The following EIF4G1 variants were observed in gnomAD, a reference collection of about 807,000 sequenced individuals.
EIF4G1 encodes the protein eukaryotic translation initiation factor 4 gamma 1.
In EIF4G1, 4 loss-of-function variants were observed where a neutral mutation model predicts 187.8. The ratio of observed to expected loss-of-function variants is 0.02; its 90% CI spans 0.01 to 0.05. The LOEUF (loss-of-function observed/expected upper bound fraction) is 0.05, where lower values mean the gene tolerates loss of function less well. Ranked by LOEUF, EIF4G1 falls within the 10% of genes least tolerant of loss-of-function variation. EIF4G1 has a pLI of 1.00. For missense variants in EIF4G1, 1,647 were observed against 2,081.1 expected (o/e 0.79, Z 4.06); for synonymous variants, 844 against 781.4 (o/e 1.08, Z -1.34).
chr3:184,317,235 C>T lies in EIF4G1; in HGVS notation c.148-86C>T, dbSNP rs996911447. 2.7e-6 allele frequency: 4 copies of T among 1,480,238 alleles called. No homozygotes were observed. In the African/African-American group the frequency reaches 4.2e-5, roughly 15 times the overall value. 91.7% of individuals were successfully genotyped at this position (1,480,238 alleles called of 1,614,324 possible). ...GTTCTGAAGCCCACAGTACTTCTTT[C>T]CAGGCTATAGAGACATTGTGGAGTG... On this transcript the variant is annotated intron_variant, in intron 4 of 32. Coordinates refer to ENST00000346169, the MANE Select transcript of EIF4G1 (RefSeq NM_198241.3).
chr3:184,329,484 A>G lies in EIF4G1; in HGVS notation c.4161+494A>G, dbSNP rs192097722. On this transcript the variant is annotated intron_variant, in intron 28 of 32. Coordinates refer to ENST00000346169, the MANE Select transcript of EIF4G1 (RefSeq NM_198241.3). ...CATCTCTACTAAAAACACAAAAATT[A>G]GCCGTGTTGTGGCAGGTGCCTGTAA... 2.2e-4 allele frequency among the ~76,000 whole-genome samples: 34 copies of G among 152,288 alleles called. No individual in the cohort carries two copies. In the East Asian group the frequency reaches 6.6e-3, roughly 29 times the overall value.
Position 184,323,032 on chromosome 3 carries a change from T to G in EIF4G1, c.1930-51T>G. On this transcript the variant is annotated intron_variant, in intron 13 of 32. Coordinates refer to ENST00000346169, the MANE Select transcript of EIF4G1 (RefSeq NM_198241.3). The surrounding 1 kb of genome is among the most constrained non-coding windows in gnomAD (Gnocchi z 6.9). ...GGAGGAGCCTGAGGTCCTGAAAGAG[T>G]AGTCAACCGCTCTAGCCTGCTTCTG... 1.2e-6 allele frequency: 2 copies of G among 1,613,864 alleles called. No individual in the cohort carries two copies. Among genetic ancestry groups the G allele is most frequent in the Non-Finnish European group, 1.7e-6 (2 of 1,179,978 alleles).
chr3:184,320,323 G>A, intron 7 of EIF4G1: 31 of 1,308,918 alleles, frequency 2.4e-5, no homozygotes, highest in Non-Finnish European at 3.0e-5. Flanking sequence ...TCTAGATGGG[G>A]GTCCTGGGCC....
chr3:184,320,192 G>C (rs977150788), intron 7 of EIF4G1: 1 of 1,074,580 alleles, frequency 9.3e-7, no homozygotes, highest in Non-Finnish European at 1.2e-6. Context: ...AGCCCTGGGC[G>C]TGGTGCCCAG....
At position 184,322,606 on chromosome 3, in the gene EIF4G1, G is replaced by A. The variant is rs1724113295; in HGVS notation, c.1671G>A (p.Glu557=). ...CTGCAGGCAGCAATCCAGGCCCAGA[G>A]TCTGAGGGCAGTGGTGTGCCCCCAC... The part of the protein sequence containing the change: ...QPPAGSNPGP[E]SEGSGVPPRP... The change falls in exon 12 of 33, where the codon GAG becomes GAA. Residue 557 remains glutamate (E), a synonymous_variant. Transcript: ENST00000346169. 5.0e-6 allele frequency: 8 copies of A among 1,614,216 alleles called. No homozygotes were observed. The East Asian group carries it at 1.3e-4, about 27-fold the overall frequency.
rs372079421 is a variant in EIF4G1, at chr3:184,327,368, G to C, written c.3581G>C (p.Ser1194Thr). Reference sequence around the variant, plus strand: ...TTCAGCAAGGAAGTGGAGGAGCGGAGTAGAGAACGGCCCTCCCAGCCTGAG... The same window carrying C: ...TTCAGCAAGGAAGTGGAGGAGCGGACTAGAGAACGGCCCTCCCAGCCTGAG... Reference protein sequence around the residue: ...RSFSKEVEERSRERPSQPEGL... With the variant: ...RSFSKEVEERTRERPSQPEGL... Residue 1194 changes from serine to threonine, a missense_variant, in exon 24 of 33, where the codon AGT (serine) becomes ACT (threonine). Physicochemically the swap from Ser to Thr is moderately conservative, Grantham distance 58 (BLOSUM62 1). Coordinates refer to ENST00000346169, the MANE Select transcript of EIF4G1 (RefSeq NM_198241.3). The C allele has an allele frequency of 6.2e-7, 1 of 1,613,654 alleles. No homozygotes were observed. Among genetic ancestry groups the C allele is most frequent in the South Asian group, 1.1e-5 (1 of 91,086 alleles).
intron 28 of EIF4G1, 38 bp downstream of exon 28, chr3:184,329,028 G>A (rs763296886): frequency 1.2e-6 from 2 of 1,612,372 alleles, no homozygotes; most frequent in Non-Finnish European, 1.7e-6. Context: ...GCCTCCCACG[G>A]TGTGGTTTTG....
At chr3:184,314,883 G>A (rs1178903010) in intron 1 of EIF4G1, among the ~76,000 whole-genome samples, 1 of 150,690 alleles carries the variant, frequency 6.6e-6, no homozygotes, top group Non-Finnish European at 1.5e-5. Context: ...GGGGTGGGGA[G>A]CGCAGGGCCG....
chr3:184,332,490 C>G (rs180697116), intron 32 of EIF4G1, among the ~76,000 whole-genome samples: 1 of 152,284 alleles, frequency 6.6e-6, no homozygotes, highest in African/African-American at 2.4e-5. Flanking sequence ...AGACTGAGGT[C>G]TCAGTGAACA....
intron 6 of EIF4G1, among the ~76,000 whole-genome samples, chr3:184,318,129 T>G (rs183157504): frequency 2.6e-5 from 4 of 152,262 alleles, no homozygotes; most frequent in African/African-American, 7.2e-5. Context: ...GTAATGCAAA[T>G]TTGGGAGGTT....
In EIF4G1 at chr3:184,328,715, C is replaced by G. The variant is rs1560227503; in HGVS notation, c.4038C>G (p.Pro1346=). 3 of 1,614,162 alleles carry G rather than the reference C, an allele frequency of 1.9e-6. No homozygotes were observed. The highest frequency in any genetic ancestry group is 2.5e-6 in the Non-Finnish European group (3 of 1,180,028). The change falls in exon 27 of 33, where the codon CCC becomes CCG. Residue 1346 remains proline (P), a synonymous_variant. Coordinates refer to ENST00000346169, the MANE Select transcript of EIF4G1 (RefSeq NM_198241.3). ...VWLYLAELVT[P]ILQEGGVPMG... is the part of the protein sequence containing the mutation. ...TCTACCTAGCGGAACTGGTAACACCCATTCTGCAGGAAGGTGGGGTGCCCA... is the reference window on the plus strand; with the variant it reads ...TCTACCTAGCGGAACTGGTAACACCGATTCTGCAGGAAGGTGGGGTGCCCA...
chr3:184,315,822 G>GCCCGCCCCCCC lies in EIF4G1; in HGVS notation c.29_30insGCCCCCCCCCC (p.Ala13ProfsTer33). 3 of 1,544,486 alleles carry GCCCGCCCCCCC rather than the reference G, an allele frequency of 1.9e-6. No individual in the cohort carries two copies. The highest frequency in any genetic ancestry group is 2.6e-6 in the Non-Finnish European group (3 of 1,140,792). On this transcript the variant is annotated frameshift_variant, in exon 3 of 33. Transcript: ENST00000346169. LOFTEE classifies it high-confidence loss of function. ...ATGAACAAAGCTCCACAGTCCACAG[G>GCCCGCCCCCCC]CCCCCCACCCGCCCCATCCCCCGGA...
At chr3:184,326,312 T>G (rs1413645035) in intron 21 of EIF4G1, among the ~76,000 whole-genome samples, 1 of 152,246 alleles carries the variant, frequency 6.6e-6, no homozygotes, top group African/African-American at 2.4e-5. Context: ...GAAGTTTTAT[T>G]GGAACACAGT....
At position 184,323,383 on chromosome 3, in the gene EIF4G1, C is replaced by T. The variant is rs548536167; in HGVS notation, c.2089-25C>T. On this transcript the variant is annotated intron_variant, in intron 14 of 32. Coordinates refer to ENST00000346169, the MANE Select transcript of EIF4G1 (RefSeq NM_198241.3). The surrounding 1 kb of genome is among the most constrained non-coding windows in gnomAD (Gnocchi z 6.9). ...TGTGCTGACTAGTTCCATGTCCCCT[C>T]TTGTCTTCATCCCTTGCTTAGCAGG... 5.6e-6 allele frequency: 9 copies of T among 1,614,108 alleles called. No individual in the cohort carries two copies. The East Asian group carries it at 1.8e-4, about 32-fold the overall frequency.
intron 6 of EIF4G1, 189 bp from the exon 7 acceptor site, chr3:184,319,500 A>G (rs1723461315): frequency 3.4e-6 from 2 of 582,088 alleles, no homozygotes; most frequent in Non-Finnish European, 6.4e-6. Flanking sequence ...ATTCTTGTAA[A>G]CGCAGTTCAG....
Position 184,323,769 on chromosome 3 carries a change from T to A in EIF4G1, c.2275-11T>A, listed in dbSNP as rs757746622. ...GACCCTCACTGGAACTCTTGTCTCT[T>A]CTCCCTCCAGGACCTATTCCGCAGG... On this transcript the variant is annotated splice_polypyrimidine_tract_variant and intron_variant, in intron 15 of 32. Transcript: ENST00000346169. This position sits in a 1 kb window ranked among gnomAD's most constrained non-coding sequence, Gnocchi z 6.9. The A allele has an allele frequency of 1.2e-6, 2 of 1,613,446 alleles. No homozygotes were observed. The highest frequency in any genetic ancestry group is 1.7e-6 in the Non-Finnish European group (2 of 1,180,038).
intron 6 of EIF4G1, 68 bp downstream of exon 6, chr3:184,317,884 C>A: frequency 8.2e-7 from 1 of 1,217,010 alleles, no homozygotes; most frequent in Non-Finnish European, 1.2e-6. Flanking sequence ...CTGCTGATTT[C>A]TAAAGCAGAA....
At chr3:184,328,041 C>G in intron 26 of EIF4G1, 39 bp downstream of exon 26, 1 of 1,595,488 alleles carries the variant, frequency 6.3e-7, no homozygotes, top group Non-Finnish European at 8.5e-7. Flanking sequence ...TTATACAGAC[C>G]CACAATTTTC....
chr3:184,328,426 C>T, intron 26 of EIF4G1: 2 of 752,246 alleles, frequency 2.7e-6, no homozygotes, highest in East Asian at 2.5e-5. Context: ...GTTCCTTGAC[C>T]ATCCTGGTCA....
Sources: allele counts gnomAD v4.1 joint callset (sites outside exome capture counted in the v4.1 genomes callset), GRCh38; gene constraint gnomAD v4.1.1; non-coding constraint Gnocchi (gnomAD v3.1); transcripts MANE v1.5; gene names NCBI Gene and HGNC (gene_info 2026-07-23, HGNC 2026-07-21).